CNTNAP4: variants seen among roughly 807,000 people sequenced by gnomAD.
CNTNAP4 encodes the protein contactin associated protein family member 4.
A neutral mutation model predicts 148.4 loss-of-function variants in CNTNAP4; 98 were observed. The observed-to-expected ratio is 0.66, with a 90% CI of 0.56 to 0.78. The LOEUF is 0.78. Ranked by LOEUF, CNTNAP4 falls within the 30% of genes least tolerant of loss-of-function variation. The pLI, the probability that CNTNAP4 is intolerant of heterozygous loss-of-function variation, is 0.00. For synonymous variants in CNTNAP4, 730 were observed against 565.1 expected, an observed-to-expected ratio of 1.29 and a Z score of -4.14; for missense variants, 1,935 against 1,565.6, an observed-to-expected ratio of 1.24 and a Z score of -3.98.
At chr16:76,322,169 G>A (rs760731071) in intron 2 of CNTNAP4, among the ~76,000 whole-genome samples, 2 of 152,226 alleles carry the variant, frequency 1.3e-5, no homozygotes, top group South Asian at 2.1e-4. Context: ...TACGTGAATT[G>A]CAAGAGTCCC....
At chr16:76,523,559 C>T (rs2083579958) in intron 17 of CNTNAP4, among the ~76,000 whole-genome samples, 2 of 152,106 alleles carry the variant, frequency 1.3e-5, no homozygotes, top group African/African-American at 4.8e-5. Flanking sequence ...TGAATTATCT[C>T]TTACTTGATC....
At position 76,421,449 on chromosome 16, in the gene CNTNAP4, G is replaced by C. The variant is rs139820618; in HGVS notation, c.391-6003G>C. On this transcript the variant is annotated intron_variant, in intron 3 of 23. Coordinates refer to ENST00000611870, the MANE Select transcript of CNTNAP4 (RefSeq NM_033401.5). Reference sequence around the variant, plus strand: ...AATCAAGACTGAATCAACTTTGTAAGATACAGTCCTGATGTCTTGTTCAAC... The same window carrying C: ...AATCAAGACTGAATCAACTTTGTAACATACAGTCCTGATGTCTTGTTCAAC... 9.9e-5 allele frequency among the ~76,000 whole-genome samples: 15 copies of C among 152,126 alleles called. 1 individual carries two copies. The East Asian group carries it at 2.1e-3, about 22-fold the overall frequency.
At chr16:76,369,555 G>A (rs1399651159) in intron 3 of CNTNAP4, among the ~76,000 whole-genome samples, 1 of 152,166 alleles carries the variant, frequency 6.6e-6, no homozygotes, top group Non-Finnish European at 1.5e-5. Flanking sequence ...AGCTCAAGAA[G>A]AGAGAGCCAG....
intron 2 of CNTNAP4, among the ~76,000 whole-genome samples, chr16:76,354,067 G>A (rs1303851668): frequency 6.6e-6 from 1 of 152,180 alleles, no homozygotes; most frequent in Non-Finnish European, 1.5e-5. Context: ...GCCTCAAGGT[G>A]AGCAGCAAAA....
intron 3 of CNTNAP4, among the ~76,000 whole-genome samples, chr16:76,387,006 G>A (rs1432124354): frequency 1.3e-5 from 2 of 151,454 alleles, no homozygotes; most frequent in Non-Finnish European, 2.9e-5. Context: ...TGCAACCTCT[G>A]CAAGCTGGAA....
At chr16:76,377,314 T>C (rs985584279) in intron 3 of CNTNAP4, among the ~76,000 whole-genome samples, 1 of 152,166 alleles carries the variant, frequency 6.6e-6, no homozygotes, top group African/African-American at 2.4e-5. Context: ...GTGGGTATGG[T>C]AGCCTAGTCA....
intron 1 of CNTNAP4, among the ~76,000 whole-genome samples, chr16:76,308,722 C>G (rs1298256822): frequency 2.6e-5 from 4 of 152,200 alleles, no homozygotes; most frequent in Admixed American, 2.6e-4. Context: ...TGACATCTCC[C>G]CGAGGTGATG....
intron 3 of CNTNAP4, among the ~76,000 whole-genome samples, chr16:76,424,994 G>A (rs958564685): frequency 2.6e-5 from 4 of 152,014 alleles, no homozygotes. Flanking sequence ...GAGGTTGGGT[G>A]GGAATAAGAT....
At position 76,553,279 on chromosome 16, in the gene CNTNAP4, C is replaced by G; in HGVS notation, c.3443-4C>G. 6.4e-7 allele frequency: 1 copy of G among 1,569,808 alleles called. No individual in the cohort carries two copies. Among genetic ancestry groups the G allele is most frequent in the Non-Finnish European group, 8.7e-7 (1 of 1,145,972 alleles). On this transcript the variant is annotated splice_region_variant and splice_polypyrimidine_tract_variant and intron_variant, in intron 21 of 23. Transcript: ENST00000611870. ...AATATTTCGGTGTTTCTTTGAATTT[C>G]TAGAACACAGTGATGTGGACCAGGA...
intron 3 of CNTNAP4, among the ~76,000 whole-genome samples, chr16:76,405,145 G>A (rs997435080): frequency 2.0e-5 from 3 of 152,198 alleles, no homozygotes; most frequent in Non-Finnish European, 2.9e-5. Context: ...TAATGTAGTT[G>A]TTAAAGAGTT....
At chr16:76,440,253 A>C (rs1273522528) in intron 4 of CNTNAP4, among the ~76,000 whole-genome samples, 1 of 152,104 alleles carries the variant, frequency 6.6e-6, no homozygotes, top group Non-Finnish European at 1.5e-5. Context: ...AAAAGACTCT[A>C]GTGTCTTTTT....
intron 11 of CNTNAP4, among the ~76,000 whole-genome samples, chr16:76,478,611 C>A (rs1046276163): frequency 6.6e-6 from 1 of 152,122 alleles, no homozygotes; most frequent in Non-Finnish European, 1.5e-5. Context: ...CAGAAGTTAT[C>A]AGTATATTTG....
At chr16:76,383,040 G>C (rs950269315) in intron 3 of CNTNAP4, among the ~76,000 whole-genome samples, 1 of 151,624 alleles carries the variant, frequency 6.6e-6, no homozygotes, top group Non-Finnish European at 1.5e-5. Context: ...CATCTTTATG[G>C]GAAGATGCCA....
chr16:76,517,242 C>T (rs1477532587), intron 15 of CNTNAP4, among the ~76,000 whole-genome samples: 6 of 151,990 alleles, frequency 3.9e-5, no homozygotes, highest in African/African-American at 7.3e-5. Flanking sequence ...TAGCTGTGCG[C>T]GGGAAGGATG....
intron 3 of CNTNAP4, among the ~76,000 whole-genome samples, chr16:76,386,353 G>T (rs914316563): frequency 6.6e-6 from 1 of 152,034 alleles, no homozygotes; most frequent in Non-Finnish European, 1.5e-5. Context: ...ATTGGAAACT[G>T]CCCTTTGCCT....
intron 3 of CNTNAP4, among the ~76,000 whole-genome samples, chr16:76,363,387 C>G (rs2013681666): frequency 6.6e-6 from 1 of 152,012 alleles, no homozygotes; most frequent in Non-Finnish European, 1.5e-5. Flanking sequence ...ACCTCAAACT[C>G]CCTACCTTAG....
chr16:76,474,841 A>C (rs921874307), intron 10 of CNTNAP4, among the ~76,000 whole-genome samples: 1 of 152,228 alleles, frequency 6.6e-6, no homozygotes, highest in Non-Finnish European at 1.5e-5. Context: ...AAAGTGGTTT[A>C]GGTCCAAAAA....
intron 12 of CNTNAP4, among the ~76,000 whole-genome samples, chr16:76,479,882 T>G (rs1418951136): frequency 1.3e-5 from 2 of 152,172 alleles, no homozygotes; most frequent in East Asian, 3.8e-4. Flanking sequence ...AGTTTACGTC[T>G]TCTTGTATTC....
At chr16:76,521,902 A>C in intron 16 of CNTNAP4, 137 bp from the exon 17 acceptor site, 1 of 775,236 alleles carries the variant, frequency 1.3e-6, no homozygotes, top group Non-Finnish European at 2.2e-6. Flanking sequence ...GTTTCAAACA[A>C]TAGCATTGAA....
Sources: allele counts gnomAD v4.1 joint callset (sites outside exome capture counted in the v4.1 genomes callset), GRCh38; gene constraint gnomAD v4.1.1; transcripts MANE v1.5; gene names NCBI Gene and HGNC (gene_info 2026-07-23, HGNC 2026-07-21).